DNAJC1: variants seen among roughly 807,000 people sequenced by gnomAD.
DNAJC1 encodes the protein DnaJ heat shock protein family (Hsp40) member C1, also known as dnaJ homolog subfamily C member 1.
In DNAJC1, 58 loss-of-function variants were observed where a neutral mutation model predicts 76.6. The ratio of observed to expected loss-of-function variants is 0.76; its 90% CI spans 0.61 to 0.94. The LOEUF (loss-of-function observed/expected upper bound fraction) is 0.94, where lower values mean the gene tolerates loss of function less well. Ranked by LOEUF, DNAJC1 falls within the 40% of genes least tolerant of loss-of-function variation. The pLI, the probability that DNAJC1 is intolerant of heterozygous loss-of-function variation, is 0.00. For synonymous variants in DNAJC1, 258 were observed against 267.9 expected (o/e 0.96, Z 0.36); for missense variants, 689 against 677.3 (o/e 1.02, Z -0.19).
chr10:21,802,785 G>T lies in DNAJC1; in HGVS notation c.1098+3195C>A, dbSNP rs376885213. On this transcript the variant is annotated intron_variant, in intron 9 of 11. Coordinates refer to ENST00000376980, the MANE Select transcript of DNAJC1 (RefSeq NM_022365.4). Reference sequence around the variant, plus strand: ...TATTACTTCACAAGCAAGAAATCTGGGGCCCCCTGACCTTAATTTAGGAAA... The same window carrying T: ...TATTACTTCACAAGCAAGAAATCTGTGGCCCCCTGACCTTAATTTAGGAAA... Among the ~76,000 whole-genome samples the T allele has an allele frequency of 4.6e-5, 7 of 152,022 alleles. No homozygotes were observed. In the East Asian group the frequency reaches 7.7e-4, roughly 17 times the overall value.
chr10:21,870,148 AAATC>A (rs1391479870), intron 8 of DNAJC1, among the ~76,000 whole-genome samples: 3 of 152,066 alleles, frequency 2.0e-5, no homozygotes, highest in Non-Finnish European at 4.4e-5. Context: ...TAATGCCAGA[AAATC>A]AATTGGTATA....
At chr10:22,002,331 T>C (rs1838531710) in intron 1 of DNAJC1, among the ~76,000 whole-genome samples, 1 of 152,204 alleles carries the variant, frequency 6.6e-6, no homozygotes, top group South Asian at 2.1e-4. Context: ...AAATGTTATC[T>C]TCTCCTTCGC....
chr10:21,864,781 CTTTT>C (rs1835971171), intron 8 of DNAJC1, among the ~76,000 whole-genome samples: 1 of 152,062 alleles, frequency 6.6e-6, no homozygotes, highest in African/African-American at 2.4e-5. Flanking sequence ...TCAAATGATA[CTTTT>C]ACTAAAATAA....
chr10:21,900,243 T>C (rs543966661), intron 7 of DNAJC1, among the ~76,000 whole-genome samples: 1 of 151,418 alleles, frequency 6.6e-6, no homozygotes, highest in South Asian at 2.1e-4. Flanking sequence ...CTCGGGAGGC[T>C]GAGACAGAAG....
At position 21,759,517 on chromosome 10, in the gene DNAJC1, C is replaced by T. The variant is rs757675763; in HGVS notation, c.1249G>A (p.Ala417Thr). The part of the protein sequence containing the change: ...PDDMITQRED[A>T]EGVAAEEEQE... Reference sequence around the variant, plus strand: ...TCCTCCTCCGCTGCCACCCCCTCTGCGTCCTCTCGCTGGGTGATCATGTCA... The same window carrying T: ...TCCTCCTCCGCTGCCACCCCCTCTGTGTCCTCTCGCTGGGTGATCATGTCA... The change falls in exon 11 of 12, where the codon GCA becomes ACA. Residue 417 changes from alanine to threonine, a missense_variant. Physicochemically the swap from Ala to Thr is moderately conservative, Grantham distance 58. Transcript: ENST00000376980. 33 of 1,614,060 alleles carry T rather than the reference C, an allele frequency of 2.0e-5. No homozygotes were observed. The Admixed American group carries it at 4.2e-4, about 20-fold the overall frequency.
chr10:21,914,721 T>C (rs1836923674), intron 6 of DNAJC1, among the ~76,000 whole-genome samples: 1 of 152,212 alleles, frequency 6.6e-6, no homozygotes, highest in African/African-American at 2.4e-5. Flanking sequence ...TTCCTTAGGA[T>C]GCTTTTAGCC....
intron 10 of DNAJC1, among the ~76,000 whole-genome samples, chr10:21,762,736 G>A (rs969073131): frequency 6.6e-6 from 1 of 151,686 alleles, no homozygotes. Context: ...CAGCCTCCTG[G>A]GCAGCTGGGA....
chr10:21,939,018 G>C lies in DNAJC1; in HGVS notation c.223-9877C>G, dbSNP rs1199466343. 3.3e-5 allele frequency among the ~76,000 whole-genome samples: 5 copies of C among 152,098 alleles called. No individual in the cohort carries two copies. In the East Asian group the frequency reaches 9.6e-4, roughly 29 times the overall value. Reference sequence around the variant, plus strand: ...AGATTCTCTTGCCTCAGCCTCCCCAGTAGCTGGGACCACAGGCACGTGCCA... The same window carrying C: ...AGATTCTCTTGCCTCAGCCTCCCCACTAGCTGGGACCACAGGCACGTGCCA... On this transcript the variant is annotated intron_variant, in intron 1 of 11. Coordinates refer to ENST00000376980, the MANE Select transcript of DNAJC1 (RefSeq NM_022365.4).
At chr10:21,859,877 G>A (rs61454417) in intron 8 of DNAJC1, among the ~76,000 whole-genome samples, 13,306 of 151,818 alleles carry the variant, frequency 0.088, 1,411 homozygotes, top group African/African-American at 0.26. Flanking sequence ...TCCACCTCCC[G>A]GGTTCAAGCG....
intron 8 of DNAJC1, among the ~76,000 whole-genome samples, chr10:21,849,146 A>G (rs1835707712): frequency 6.6e-6 from 1 of 151,940 alleles, no homozygotes; most frequent in South Asian, 2.1e-4. Context: ...AAAAAAAATT[A>G]GCCAGGCATG....
chr10:21,932,610 G>T (rs942386799), intron 1 of DNAJC1, among the ~76,000 whole-genome samples: 2 of 152,164 alleles, frequency 1.3e-5, no homozygotes, highest in African/African-American at 4.8e-5. Flanking sequence ...CCTTGGTTAG[G>T]TTCCTGGTGC....
chr10:21,926,068 C>T (rs1837122898), intron 3 of DNAJC1, among the ~76,000 whole-genome samples: 1 of 152,228 alleles, frequency 6.6e-6, no homozygotes, highest in Non-Finnish European at 1.5e-5. Flanking sequence ...CCTCCCACCT[C>T]AGCCTCCTGA....
chr10:21,969,477 CT>C (rs2131826927), intron 1 of DNAJC1, among the ~76,000 whole-genome samples: 1 of 152,284 alleles, frequency 6.6e-6, no homozygotes, highest in Non-Finnish European at 1.5e-5. Context: ...TGTAGAAAAA[CT>C]GAACACCAAT....
intron 1 of DNAJC1, among the ~76,000 whole-genome samples, chr10:21,969,472 A>G (rs946650161): frequency 2.0e-5 from 3 of 152,230 alleles, no homozygotes; most frequent in African/African-American, 7.2e-5. Flanking sequence ...CTGCATGTAG[A>G]AAAACTGAAC....
At chr10:21,902,323 G>C (rs1836670104) in intron 7 of DNAJC1, among the ~76,000 whole-genome samples, 1 of 152,128 alleles carries the variant, frequency 6.6e-6, no homozygotes, top group South Asian at 2.1e-4. Flanking sequence ...AAAATTAAAA[G>C]AGACTTTTTT....
At chr10:21,773,323 C>T (rs544172457) in intron 9 of DNAJC1, among the ~76,000 whole-genome samples, 1 of 152,304 alleles carries the variant, frequency 6.6e-6, no homozygotes, top group East Asian at 1.9e-4. Flanking sequence ...CTTGGTACAT[C>T]ATGTCTTATT....
chr10:21,821,904 C>T (rs954818199), intron 8 of DNAJC1, among the ~76,000 whole-genome samples: 4 of 150,990 alleles, frequency 2.6e-5, no homozygotes, highest in East Asian at 1.9e-4. Context: ...TGTATAAGGA[C>T]ATATCACCGG....
chr10:21,817,085 G>A (rs1029213834), intron 8 of DNAJC1, among the ~76,000 whole-genome samples: 13 of 148,274 alleles, frequency 8.8e-5, no homozygotes, highest in East Asian at 2.0e-4. Flanking sequence ...GCCTGAACCC[G>A]GGAGGTGGAG....
intron 9 of DNAJC1, among the ~76,000 whole-genome samples, chr10:21,794,266 C>CAAAAAA (rs542182948): frequency 1.9e-4 from 10 of 53,524 alleles, no homozygotes; most frequent in African/African-American, 4.7e-4. Flanking sequence ...TTCCTATCTT[C>CAAAAAA]AAAAAAAAAA....
Sources: allele counts gnomAD v4.1 joint callset (sites outside exome capture counted in the v4.1 genomes callset), GRCh38; gene constraint gnomAD v4.1.1; transcripts MANE v1.5; gene names NCBI Gene and HGNC (gene_info 2026-07-23, HGNC 2026-07-21).